RAI1: variants seen among roughly 807,000 people sequenced by gnomAD.
RAI1 encodes retinoic acid-induced protein 1.
A neutral mutation model predicts 123.8 loss-of-function variants in RAI1; 9 were observed. The observed-to-expected ratio is 0.07, with a 90% CI of 0.04 to 0.13. The LOEUF (loss-of-function observed/expected upper bound fraction) is 0.13. Among genes scored for constraint, RAI1 ranks in the 10% least tolerant of loss-of-function variants. RAI1 has a pLI of 1.00. For missense variants in RAI1, 2,256 were observed against 2,545.8 expected (o/e 0.89, Z 2.45); for synonymous variants, 1,231 against 1,127.3 (o/e 1.09, Z -1.84).
intron 1 of RAI1, among the ~76,000 whole-genome samples, chr17:17,683,303 G>C (rs907810699): frequency 1.1e-4 from 17 of 152,122 alleles, no homozygotes; most frequent in Non-Finnish European, 1.8e-4. Flanking sequence ...CGTGATGGGA[G>C]CCCCGAGCTG....
intron 4 of RAI1, among the ~76,000 whole-genome samples, chr17:17,807,934 C>G (rs560083106): frequency 6.6e-6 from 1 of 152,330 alleles, no homozygotes; most frequent in South Asian, 2.1e-4. Flanking sequence ...AAGGGCAGAT[C>G]GCCTCAGAGA....
chr17:17,808,620 T>A (rs1228412326), intron 4 of RAI1, among the ~76,000 whole-genome samples: 1 of 151,896 alleles, frequency 6.6e-6, no homozygotes, highest in Admixed American at 6.6e-5. Context: ...CTAATTTTTG[T>A]ATTTTTGATA....
Position 17,811,403 on chromosome 17 carries a change from GAA to G in RAI1, c.*1439_*1440del, listed in dbSNP as rs34061744. On this transcript the variant is annotated 3_prime_UTR_variant, in exon 6 of 6. Coordinates refer to ENST00000353383, the MANE Select transcript of RAI1 (RefSeq NM_030665.4). Reference sequence around the variant, plus strand: ...GAGTAAAAAACAGTCATTGCATTCAGAAAAAAAAAAAAAAAAAAGTCAATAAA... The same window carrying G: ...GAGTAAAAAACAGTCATTGCATTCAGAAAAAAAAAAAAAAAAGTCAATAAA... The G allele has an allele frequency of 0.38, 61,922 of 162,886 alleles. 11,394 individuals are homozygous for G. Among genetic ancestry groups the G allele is most frequent in the East Asian group, 0.89 (4,295 of 4,824 alleles). The allele number at this position is 162,886 out of a possible 1,614,324, so 10.1% of individuals were successfully genotyped here.
At chr17:17,778,917 G>A in intron 2 of RAI1, 1 of 457,138 alleles carries the variant, frequency 2.2e-6, no homozygotes, top group Non-Finnish European at 4.4e-6. Flanking sequence ...GGCCTGAGGG[G>A]GCTGGGGCGG....
At chr17:17,713,926 G>A (rs891917983) in intron 1 of RAI1, among the ~76,000 whole-genome samples, 13 of 152,100 alleles carry the variant, frequency 8.5e-5, no homozygotes, top group African/African-American at 2.4e-4. Flanking sequence ...GCTCTGGTCC[G>A]CGTCTCTGAC....
At position 17,797,766 on chromosome 17, in the gene RAI1, G is replaced by A. The variant is rs544133243; in HGVS notation, c.4818G>A (p.Ala1606=). ...SPFVRVEKRD[A]FTTICTVVNS... ...TCGTGCGGGTGGAGAAGCGAGACGC[G>A]TTCACCACCATATGCACTGTTGTCA... The change falls in exon 3 of 6, where the codon GCG becomes GCA. Residue 1606 remains alanine, a synonymous_variant. Coordinates refer to ENST00000353383, the MANE Select transcript of RAI1 (RefSeq NM_030665.4). The A allele has an allele frequency of 7.4e-5, 119 of 1,614,066 alleles. No homozygotes were observed. Among genetic ancestry groups the A allele is most frequent in the African/African-American group, 2.5e-4 (19 of 75,046 alleles).
chr17:17,777,063 A>C (rs2031372158), intron 2 of RAI1: 1 of 151,212 alleles, frequency 6.6e-6, no homozygotes, highest in Admixed American at 6.6e-5. Context: ...AGCCAATAGA[A>C]CCTCCCAGAT....
intron 2 of RAI1, among the ~76,000 whole-genome samples, chr17:17,749,300 T>C (rs534863018): frequency 6.3e-4 from 96 of 152,300 alleles, no homozygotes; most frequent in African/African-American, 2.2e-3. Context: ...GGAGCCTTAA[T>C]AGCAGCAACT....
chr17:17,804,445 CTG>C (rs1303109857), intron 4 of RAI1, among the ~76,000 whole-genome samples: 1 of 152,234 alleles, frequency 6.6e-6, no homozygotes, highest in Non-Finnish European at 1.5e-5. Context: ...CCTACCATCA[CTG>C]GGCACACAGA....
chr17:17,704,664 A>T (rs1915337171), intron 1 of RAI1, among the ~76,000 whole-genome samples: 1 of 152,122 alleles, frequency 6.6e-6, no homozygotes, highest in African/African-American at 2.4e-5. Flanking sequence ...TCAGGACGTT[A>T]CCATGAGTAG....
rs1383242737 is a variant in RAI1, at chr17:17,793,349, T to C, written c.401T>C (p.Leu134Pro). Reference sequence around the variant, plus strand: ...CCACCACCCCCACAGCCGCAGCCACTACCTGCAGGGGTGGCCAAGTATGAT... The same window carrying C: ...CCACCACCCCCACAGCCGCAGCCACCACCTGCAGGGGTGGCCAAGTATGAT... ...PQPPPPQPQP[L>P]PAGVAKYDEN... The change falls in exon 3 of 6, where the codon CTA (leucine) becomes CCA (proline). Residue 134 changes from leucine (L) to proline (P), a missense_variant. By Grantham distance (98) the Leu-to-Pro change is moderately conservative (BLOSUM62 -3). Coordinates refer to ENST00000353383, the MANE Select transcript of RAI1 (RefSeq NM_030665.4). 1 of 1,612,778 alleles carries C rather than the reference T, an allele frequency of 6.2e-7. No homozygotes were observed. Among genetic ancestry groups the C allele is most frequent in the Non-Finnish European group, 8.5e-7 (1 of 1,179,822 alleles).
At chr17:17,734,817 T>C (rs1039394909) in intron 2 of RAI1, among the ~76,000 whole-genome samples, 2 of 152,258 alleles carry the variant, frequency 1.3e-5, no homozygotes, top group Non-Finnish European at 2.9e-5. Flanking sequence ...AGTGTGTGCG[T>C]ATCTGTGTGT....
intron 1 of RAI1, among the ~76,000 whole-genome samples, chr17:17,715,037 G>T (rs1317367004): frequency 6.6e-6 from 1 of 152,236 alleles, no homozygotes; most frequent in African/African-American, 2.4e-5. Context: ...CTCAGCTCTG[G>T]AAACGGGTTC....
At chr17:17,691,819 C>A (rs1056238744) in intron 1 of RAI1, among the ~76,000 whole-genome samples, 1 of 152,310 alleles carries the variant, frequency 6.6e-6, no homozygotes, top group Admixed American at 6.5e-5. Flanking sequence ...GCACCCTAGC[C>A]CCAGGTGCTA....
In RAI1 at chr17:17,798,765, G is replaced by A. The variant is rs148618717; in HGVS notation, c.5565+252G>A. On this transcript the variant is annotated intron_variant, in intron 3 of 5. Coordinates refer to ENST00000353383, the MANE Select transcript of RAI1 (RefSeq NM_030665.4). Reference sequence around the variant, plus strand: ...GCCGGGGCCCGTATGCCCAGCCACCGCCACTCTCCCACTCACCTGGCATCT... The same window carrying A: ...GCCGGGGCCCGTATGCCCAGCCACCACCACTCTCCCACTCACCTGGCATCT... 1.0e-2 allele frequency among the ~76,000 whole-genome samples: 1,518 copies of A among 152,192 alleles called. 18 individuals are homozygous for A. The highest frequency in any genetic ancestry group is 0.024 in the South Asian group (116 of 4,826).
chr17:17,770,991 G>T (rs1405043743), intron 2 of RAI1, among the ~76,000 whole-genome samples: 1 of 152,158 alleles, frequency 6.6e-6, no homozygotes, highest in Non-Finnish European at 1.5e-5. Flanking sequence ...ATTCCTGGGG[G>T]TGTCTGGGAG....
At chr17:17,803,070 A>G (rs950888217) in intron 3 of RAI1, among the ~76,000 whole-genome samples, 1 of 136,220 alleles carries the variant, frequency 7.3e-6, no homozygotes, top group African/African-American at 2.8e-5. Flanking sequence ...GGGGGGACAG[A>G]GTGAAATTCT....
chr17:17,738,708 C>T (rs1480144345), intron 2 of RAI1, among the ~76,000 whole-genome samples: 1 of 152,200 alleles, frequency 6.6e-6, no homozygotes, highest in East Asian at 1.9e-4. Flanking sequence ...ACCCAGGCAC[C>T]ACACAGGAAG....
Position 17,798,278 on chromosome 17 carries a change from C to A in RAI1, c.5330C>A (p.Ser1777Tyr), listed in dbSNP as rs1489541417. 2 of 1,598,790 alleles carry A rather than the reference C, an allele frequency of 1.3e-6. No homozygotes were observed. The highest frequency in any genetic ancestry group is 1.7e-6 in the Non-Finnish European group (2 of 1,172,206). ...CTGCGCACCAGTGCCCGGGGCCTGT[C>A]CCGGAGGCTGCAGAGCTGCTACTGC... Reference protein sequence around the residue: ...GPLRTSARGLSRRLQSCYCCD... With the variant: ...GPLRTSARGLYRRLQSCYCCD... The change falls in exon 3 of 6, where the codon TCC becomes TAC. Residue 1777 changes from serine (S) to tyrosine (Y), a missense_variant. Ser to Tyr is a moderately radical substitution (Grantham distance 144). Transcript: ENST00000353383.
Sources: gnomAD v4.1 joint callset for allele counts (sites outside exome capture counted in the v4.1 genomes callset) on GRCh38, gnomAD v4.1.1 for gene constraint, MANE v1.5 for transcripts, NCBI Gene and HGNC (gene_info 2026-07-23, HGNC 2026-07-21) for gene names.